Variants in NR2F1-AS1 observed in about 807,000 individuals in gnomAD.
NR2F1-AS1 encodes NR2F1 antisense RNA 1.
At chr5:93,526,543 A>C (rs74925099) in intron 4 of NR2F1-AS1, among the ~76,000 whole-genome samples, 1,873 of 152,278 alleles carry the variant, frequency 0.012, 49 homozygotes, top group African/African-American at 0.043. Context: ...ACATAACACA[A>C]AAAGGAAAAT....
intron 4 of NR2F1-AS1, among the ~76,000 whole-genome samples, chr5:93,416,581 CT>C (rs1351836445): frequency 3.3e-5 from 5 of 152,124 alleles, no homozygotes; most frequent in Non-Finnish European, 5.9e-5. Context: ...AATCACTGGG[CT>C]TTTTACCTTA....
At chr5:93,453,706 A>G (rs1249124705) in intron 4 of NR2F1-AS1, among the ~76,000 whole-genome samples, 2 of 152,164 alleles carry the variant, frequency 1.3e-5, no homozygotes, top group South Asian at 2.1e-4. Context: ...ACATCTTTAA[A>G]GTACTGAAAC....
At chr5:93,488,913 C>T (rs1332870944) in intron 4 of NR2F1-AS1, among the ~76,000 whole-genome samples, 3 of 152,218 alleles carry the variant, frequency 2.0e-5, no homozygotes, top group Admixed American at 6.5e-5. Flanking sequence ...GAATACTATG[C>T]AGCCATAAAA....
chr5:93,556,774 T>C (rs1406506284), intron 2 of NR2F1-AS1, among the ~76,000 whole-genome samples: 1 of 152,160 alleles, frequency 6.6e-6, no homozygotes, highest in Non-Finnish European at 1.5e-5. Context: ...TTCTCCCTCA[T>C]ACCCCTTAGA....
intron 4 of NR2F1-AS1, among the ~76,000 whole-genome samples, chr5:93,484,778 CAAAAAAAAAAA>C (rs61083284): frequency 1.2e-5 from 1 of 84,314 alleles, no homozygotes; most frequent in African/African-American, 3.6e-5. Context: ...AAATGGAAAG[CAAAAAAAAAAA>C]AAAAAAATGC....
chr5:93,439,173 C>T (rs1206775429), intron 4 of NR2F1-AS1, among the ~76,000 whole-genome samples: 1 of 152,222 alleles, frequency 6.6e-6, no homozygotes, highest in African/African-American at 2.4e-5. Flanking sequence ...TCACTGCCAG[C>T]CACATTTATT....
chr5:93,445,979 G>T (rs185283412), intron 4 of NR2F1-AS1, among the ~76,000 whole-genome samples: 48 of 152,174 alleles, frequency 3.2e-4, no homozygotes, highest in South Asian at 8.3e-4. Context: ...ATGCAGAAAA[G>T]GTCTTCAACA....
chr5:93,487,253 CAAGAAAG>C (rs1750744461), intron 4 of NR2F1-AS1, among the ~76,000 whole-genome samples: 1 of 151,900 alleles, frequency 6.6e-6, no homozygotes, highest in African/African-American at 2.4e-5. Flanking sequence ...CCGCAGCAAT[CAAGAAAG>C]AGAAAGAAAT....
intron 4 of NR2F1-AS1, among the ~76,000 whole-genome samples, chr5:93,546,769 G>A (rs897539242): frequency 1.3e-5 from 2 of 152,092 alleles, no homozygotes; most frequent in African/African-American, 4.8e-5. Context: ...TGGGGGATGG[G>A]GGAGAATGAC....
chr5:93,523,872 G>T (rs948536167), intron 4 of NR2F1-AS1, among the ~76,000 whole-genome samples: 3 of 152,028 alleles, frequency 2.0e-5, no homozygotes, highest in African/African-American at 7.2e-5. Context: ...CAAGACCAAA[G>T]GTAGATAAAT....
chr5:93,468,969 T>C (rs972167734), intron 4 of NR2F1-AS1, among the ~76,000 whole-genome samples: 3 of 152,222 alleles, frequency 2.0e-5, no homozygotes, highest in African/African-American at 7.2e-5. Context: ...ATGTGTGGTG[T>C]TATTTCTGAG....
intron 4 of NR2F1-AS1, among the ~76,000 whole-genome samples, chr5:93,527,160 A>C (rs1230538774): frequency 1.3e-5 from 2 of 152,222 alleles, no homozygotes; most frequent in East Asian, 1.9e-4. Context: ...CTCAGGATAC[A>C]AAATCAATGT....
chr5:93,569,476 G>A (rs1174346396), intron 1 of NR2F1-AS1, among the ~76,000 whole-genome samples: 1 of 152,200 alleles, frequency 6.6e-6, no homozygotes, highest in African/African-American at 2.4e-5. Context: ...GTGCTTCAGC[G>A]TTTCCCTGAC....
chr5:93,547,483 A>T (rs1752116343), intron 4 of NR2F1-AS1, among the ~76,000 whole-genome samples: 1 of 152,196 alleles, frequency 6.6e-6, no homozygotes, highest in African/African-American at 2.4e-5. Flanking sequence ...AATATCATTG[A>T]ATCCAATTAA....
At chr5:93,460,150 G>A (rs1029607472) in intron 4 of NR2F1-AS1, among the ~76,000 whole-genome samples, 5 of 152,110 alleles carry the variant, frequency 3.3e-5, no homozygotes, top group Non-Finnish European at 7.3e-5. Context: ...GCCCTGGAAT[G>A]AGGATAAGAA....
chr5:93,554,804 C>G (rs1310111836), intron 3 of NR2F1-AS1: 1 of 152,122 alleles, frequency 6.6e-6, no homozygotes, highest in Non-Finnish European at 1.5e-5. Context: ...CAAAAACAAA[C>G]AGCTAGATTC....
upstream of NR2F1-AS1, among the ~76,000 whole-genome samples, chr5:93,581,937 TCTCTCTCTCTC>T (rs1753096386): frequency 8.7e-6 from 1 of 114,724 alleles, no homozygotes; most frequent in African/African-American, 3.5e-5. Flanking sequence ...TCTCTGGGTC[TCTCTCTCTCTC>T]CTCTCTCTCT....
At chr5:93,472,089 T>C (rs1040043773) in intron 4 of NR2F1-AS1, among the ~76,000 whole-genome samples, 1 of 151,860 alleles carries the variant, frequency 6.6e-6, no homozygotes, top group African/African-American at 2.4e-5. Flanking sequence ...AGAGATTAGA[T>C]AACTTATATA....
At chr5:93,559,532 T>A (rs1218028890) in intron 2 of NR2F1-AS1, among the ~76,000 whole-genome samples, 2 of 152,246 alleles carry the variant, frequency 1.3e-5, no homozygotes, top group Non-Finnish European at 2.9e-5. Context: ...GAGGCCTAGC[T>A]TTTGGCCTGT....
Sources: allele counts gnomAD v4.1 joint callset (sites outside exome capture counted in the v4.1 genomes callset), GRCh38; gene constraint gnomAD v4.1.1; transcripts MANE v1.5; gene names NCBI Gene and HGNC (gene_info 2026-07-23, HGNC 2026-07-21).